The following COL10A1 variants were observed in gnomAD, a reference collection of about 807,000 sequenced individuals.
The protein encoded by COL10A1 is collagen alpha-1(X) chain.
In COL10A1, 10 loss-of-function variants were observed where a neutral mutation model predicts 18.2. The observed-to-expected ratio is 0.55, with a 90% CI of 0.34 to 0.93. The LOEUF (loss-of-function observed/expected upper bound fraction) is 0.93. Ranked by LOEUF, COL10A1 falls within the 40% of genes least tolerant of loss-of-function variation. The pLI is 0.02. For missense variants in COL10A1, 897 were observed against 853.5 expected (o/e 1.05, Z -0.64); for synonymous variants, 330 against 316.6 (o/e 1.04, Z -0.45).
chr6:116,119,781 T>C lies in COL10A1; in HGVS notation c.*292A>G, dbSNP rs1016161969. The C allele has an allele frequency of 1.4e-5, 4 of 282,092 alleles. No individual in the cohort carries two copies. Among genetic ancestry groups the C allele is most frequent in the Non-Finnish European group, 2.6e-5 (4 of 151,878 alleles). The allele number at this position is 282,092 out of a possible 1,614,324, so 17.5% of individuals were successfully genotyped here. Reference sequence around the variant, plus strand: ...AATTTTTTTTTTGTTGTTTGTTTTTTGTTGTTTGTTTTTAACATAGCAGGA... The same window carrying C: ...AATTTTTTTTTTGTTGTTTGTTTTTCGTTGTTTGTTTTTAACATAGCAGGA... On this transcript the variant is annotated 3_prime_UTR_variant, in exon 3 of 3. Transcript: ENST00000651968.
At chr6:116,202,277 T>C in the COL10A1 span, among the ~76,000 whole-genome samples, 5 of 151,958 alleles carry the variant, frequency 3.3e-5, no homozygotes, top group Non-Finnish European at 5.9e-5. Context: ...TAGTACCTTT[T>C]TTTCTTATGC....
the COL10A1 span, among the ~76,000 whole-genome samples, chr6:116,214,560 A>G: frequency 2.6e-5 from 4 of 152,226 alleles, no homozygotes; most frequent in South Asian, 8.3e-4. Flanking sequence ...GACCTGAGAA[A>G]TTGTTAGAAA....
At chr6:116,152,050 A>G (rs907955217) in intron 1 of COL10A1, among the ~76,000 whole-genome samples, 2 of 152,166 alleles carry the variant, frequency 1.3e-5, no homozygotes, top group Non-Finnish European at 2.9e-5. Flanking sequence ...ATTTCACTAC[A>G]TTCTTCCTTA....
the COL10A1 span, among the ~76,000 whole-genome samples, chr6:116,189,526 T>G: frequency 6.6e-6 from 1 of 152,010 alleles, no homozygotes; most frequent in African/African-American, 2.4e-5. Context: ...AAGACACAAA[T>G]GAACATATAA....
chr6:116,179,274 A>G, the COL10A1 span, among the ~76,000 whole-genome samples: 1 of 152,190 alleles, frequency 6.6e-6, no homozygotes, highest in Admixed American at 6.5e-5. Context: ...ATATTACATT[A>G]AAATGAAGAA....
Position 116,119,836 on chromosome 6 carries a change from G to T in COL10A1, c.*237C>A. ...TTTGGTGATATTTTTTAATATTGGA[G>T]AAAACCTTAAAGAGCCTTAAGATTG... On this transcript the variant is annotated 3_prime_UTR_variant, in exon 3 of 3. Transcript: ENST00000651968. 1 of 443,070 alleles carries T rather than the reference G, an allele frequency of 2.3e-6. No individual in the cohort carries two copies. The highest frequency in any genetic ancestry group is 4.0e-6 in the Non-Finnish European group (1 of 250,276). 27.4% of individuals were successfully genotyped at this position (443,070 alleles called of 1,614,324 possible).
At chr6:116,153,366 A>G (rs560672) in intron 1 of COL10A1, among the ~76,000 whole-genome samples, 1,740 of 152,216 alleles carry the variant, frequency 0.011, 39 homozygotes, top group African/African-American at 0.04. Context: ...TTGAGGGTGA[A>G]TTTAGCTCGA....
the COL10A1 span, among the ~76,000 whole-genome samples, chr6:116,216,125 T>C: frequency 6.6e-6 from 1 of 152,116 alleles, no homozygotes; most frequent in African/African-American, 2.4e-5. Context: ...GTAAACACTT[T>C]AAAGATCATC....
chr6:116,145,361 T>C (rs1779872439), intron 1 of COL10A1: 3 of 279,448 alleles, frequency 1.1e-5, no homozygotes, highest in Admixed American at 1.0e-4. Context: ...TAAAAAAAAA[T>C]CAACATTAAA....
the COL10A1 span, among the ~76,000 whole-genome samples, chr6:116,169,553 T>C: frequency 6.6e-6 from 1 of 152,268 alleles, no homozygotes; most frequent in African/African-American, 2.4e-5. Flanking sequence ...ATTTTAGCTA[T>C]TCATTTTGCA....
chr6:116,136,804 C>A (rs1189685162), intron 1 of COL10A1, among the ~76,000 whole-genome samples: 1 of 152,142 alleles, frequency 6.6e-6, no homozygotes, highest in African/African-American at 2.4e-5. Flanking sequence ...TTACTCAGAA[C>A]AAGAAGCCCT....
chr6:116,120,437 T>C lies in COL10A1; in HGVS notation c.1679A>G (p.Lys560Arg), dbSNP rs1446323988. ...GGGAGTTCCTATTGCTGGGTAAGCT[T>C]TGGAGAGAATAACAGTAAAAGCAGA... ...PVSAFTVILSKAYPAIGTPIP... is the reference protein window; with the variant it reads ...PVSAFTVILSRAYPAIGTPIP... The change falls in exon 3 of 3, where the codon AAA becomes AGA. Residue 560 changes from lysine to arginine, a missense_variant. Lys to Arg is a conservative substitution (Grantham distance 26, BLOSUM62 2). Coordinates refer to ENST00000651968, the MANE Select transcript of COL10A1 (RefSeq NM_000493.4). 1 of 1,614,244 alleles carries C rather than the reference T, an allele frequency of 6.2e-7. No individual in the cohort carries two copies. The highest frequency in any genetic ancestry group is 2.2e-5 in the East Asian group (1 of 44,886).
the COL10A1 span, among the ~76,000 whole-genome samples, chr6:116,173,632 C>T: frequency 6.6e-6 from 1 of 152,092 alleles, no homozygotes; most frequent in Non-Finnish European, 1.5e-5. Flanking sequence ...AGAAAATTTC[C>T]TTGGGCTCCT....
intron 1 of COL10A1, among the ~76,000 whole-genome samples, chr6:116,147,755 G>A (rs540236023): frequency 1.4e-4 from 22 of 152,216 alleles, no homozygotes; most frequent in African/African-American, 4.8e-4. Context: ...TTACAGATAC[G>A]GTTGCATGTG....
At chr6:116,162,235 G>C (rs1261685041), upstream of COL10A1, among the ~76,000 whole-genome samples, 1 of 152,140 alleles carries the variant, frequency 6.6e-6, no homozygotes, top group Non-Finnish European at 1.5e-5. Flanking sequence ...GAGATAATTT[G>C]ACTTCCACTT....
chr6:116,198,524 G>A, the COL10A1 span, among the ~76,000 whole-genome samples: 4 of 151,962 alleles, frequency 2.6e-5, no homozygotes, highest in South Asian at 4.2e-4. Context: ...GAGGCCAGGA[G>A]TTCAAGACTA....
the COL10A1 span, among the ~76,000 whole-genome samples, chr6:116,176,808 T>C: frequency 6.6e-6 from 1 of 152,132 alleles, no homozygotes; most frequent in East Asian, 1.9e-4. Flanking sequence ...TTGTTCCCCC[T>C]AGAGGGACAG....
chr6:116,196,282 G>C, the COL10A1 span, among the ~76,000 whole-genome samples: 7 of 151,892 alleles, frequency 4.6e-5, no homozygotes, highest in African/African-American at 1.7e-4. Context: ...TATCACATTT[G>C]TTATTTCCTA....
In COL10A1 at chr6:116,125,456, A is replaced by G. The variant is rs1779270393; in HGVS notation, c.37T>C (p.Leu13=). The part of the protein sequence containing the change: ...PQIPFLLLVS[L]NLVHGVFYAE... ...TAAAACACTCCATGAACCAAGTTCA[A>G]GGATACTAGCAGCAAAAAGGGTATT... The change falls in exon 2 of 3, where the codon TTG becomes CTG. Residue 13 remains leucine (L), a synonymous_variant. Coordinates refer to ENST00000651968, the MANE Select transcript of COL10A1 (RefSeq NM_000493.4). 6.2e-7 allele frequency: 1 copy of G among 1,613,904 alleles called. No homozygotes were observed. Among genetic ancestry groups the G allele is most frequent in the Non-Finnish European group, 8.5e-7 (1 of 1,179,826 alleles).
Sources: gnomAD v4.1 joint callset for allele counts (sites outside exome capture counted in the v4.1 genomes callset) on GRCh38, gnomAD v4.1.1 for gene constraint, MANE v1.5 for transcripts, NCBI Gene and HGNC (gene_info 2026-07-23, HGNC 2026-07-21) for gene names.